ADAMTS18: variants seen among roughly 807,000 people sequenced by gnomAD.
The protein encoded by ADAMTS18 is ADAM metallopeptidase with thrombospondin type 1 motif 18.
ADAMTS18 carries 157 observed loss-of-function variants against 165.9 expected under a neutral mutation model. That is an observed-to-expected ratio of 0.95 (90% CI 0.83 to 1.08). ADAMTS18 has a LOEUF of 1.08. ADAMTS18 is among the 50% of genes least tolerant of loss of function. The probability of loss-of-function intolerance (pLI) is 0.00; values close to 1 mark genes in which losing one functional copy is unlikely to be tolerated. For synonymous variants in ADAMTS18, 782 were observed against 578.2 expected (o/e 1.35, Z -5.06); for missense variants, 2,040 against 1,534.0 (o/e 1.33, Z -5.51).
At chr16:77,313,293 G>A (rs1404382586) in intron 16 of ADAMTS18, among the ~76,000 whole-genome samples, 4 of 151,878 alleles carry the variant, frequency 2.6e-5, no homozygotes, top group African/African-American at 7.3e-5. Context: ...GGGGCCTGTC[G>A]TCGGGTGGGG....
At chr16:77,348,385 G>A (rs1224258366) in intron 10 of ADAMTS18, among the ~76,000 whole-genome samples, 1 of 152,164 alleles carries the variant, frequency 6.6e-6, no homozygotes, top group Admixed American at 6.5e-5. Flanking sequence ...CTTCACACTT[G>A]CAGGTAGAGG....
chr16:77,411,094 A>G (rs1338408100), intron 3 of ADAMTS18, among the ~76,000 whole-genome samples: 4 of 152,234 alleles, frequency 2.6e-5, no homozygotes, highest in Non-Finnish European at 5.9e-5. Context: ...GGAACAGAGT[A>G]GTATGGCAGC....
Position 77,434,628 on chromosome 16 carries a change from G to C in ADAMTS18, c.68C>G (p.Ala23Gly). 6.7e-7 allele frequency: 1 copy of C among 1,491,710 alleles called. No individual in the cohort carries two copies. The highest frequency in any genetic ancestry group is 8.9e-7 in the Non-Finnish European group (1 of 1,128,126). The allele number at this position is 1,491,710 out of a possible 1,614,324, so 92.4% of individuals were successfully genotyped here. ...TGCCTTGGCCACGCGCCCCAGTCCC[G>C]CCAGGCCCCTCGGCGGGCCCGAACC... ...AAGSGPPRGL[A>G]GLGRVAKALQ... is the part of the protein sequence containing the mutation. Residue 23 changes from alanine to glycine, a missense_variant, in exon 1 of 23, where the codon GCG becomes GGG. Physicochemically the swap from Ala to Gly is moderately conservative, Grantham distance 60 (BLOSUM62 0). Coordinates refer to ENST00000282849, the MANE Select transcript of ADAMTS18 (RefSeq NM_199355.4).
At chr16:77,290,751 T>G in intron 21 of ADAMTS18, 1 of 169,978 alleles carries the variant, frequency 5.9e-6, no homozygotes, top group Non-Finnish European at 1.3e-5. Flanking sequence ...TCTGATAAGT[T>G]TAAAAGCGAA....
intron 3 of ADAMTS18, among the ~76,000 whole-genome samples, chr16:77,420,918 G>A (rs559948424): frequency 6.6e-6 from 1 of 152,298 alleles, no homozygotes; most frequent in African/African-American, 2.4e-5. Flanking sequence ...TAAAATCACA[G>A]GGTGAACCCA....
intron 15 of ADAMTS18, 150 bp downstream of exon 15, chr16:77,320,929 C>A: frequency 5.2e-6 from 5 of 958,780 alleles, no homozygotes; most frequent in Non-Finnish European, 8.4e-6. Context: ...TCACAACTAT[C>A]TCCCTTACTC....
At chr16:77,392,444 G>T (rs113070653) in intron 3 of ADAMTS18, among the ~76,000 whole-genome samples, 1 of 151,900 alleles carries the variant, frequency 6.6e-6, no homozygotes, top group African/African-American at 2.4e-5. Flanking sequence ...CTCCCCATTG[G>T]GTTCACACCC....
intron 3 of ADAMTS18, among the ~76,000 whole-genome samples, chr16:77,372,212 T>C (rs1377907898): frequency 4.6e-5 from 7 of 152,188 alleles, no homozygotes; most frequent in Admixed American, 3.9e-4. Flanking sequence ...GTATGAAGGA[T>C]CCTTTAAAAA....
chr16:77,328,324 A>C (rs1174548965), intron 12 of ADAMTS18, among the ~76,000 whole-genome samples: 1 of 152,134 alleles, frequency 6.6e-6, no homozygotes, highest in Non-Finnish European at 1.5e-5. Context: ...ACTATGGATC[A>C]TCTTGTATAA....
At chr16:77,368,731 A>T (rs1003065653) in intron 3 of ADAMTS18, among the ~76,000 whole-genome samples, 1 of 152,126 alleles carries the variant, frequency 6.6e-6, no homozygotes, top group South Asian at 2.1e-4. Flanking sequence ...CACAGTTGCT[A>T]AATCAATGTT....
At chr16:77,370,526 G>C (rs1422831515) in intron 3 of ADAMTS18, among the ~76,000 whole-genome samples, 2 of 152,088 alleles carry the variant, frequency 1.3e-5, no homozygotes, top group Non-Finnish European at 2.9e-5. Flanking sequence ...GAGGTGGGTG[G>C]ATCACTTGAG....
intron 16 of ADAMTS18, among the ~76,000 whole-genome samples, chr16:77,302,636 G>A (rs2055606537): frequency 6.6e-6 from 1 of 152,078 alleles, no homozygotes; most frequent in African/African-American, 2.4e-5. Flanking sequence ...TTCTGCCATA[G>A]GGGAACAGAT....
intron 3 of ADAMTS18, among the ~76,000 whole-genome samples, chr16:77,393,899 T>A (rs2057223307): frequency 6.6e-6 from 1 of 152,194 alleles, no homozygotes; most frequent in East Asian, 1.9e-4. Flanking sequence ...AAGCCAAGCA[T>A]GAGGAACATA....
Position 77,320,044 on chromosome 16 carries a change from G to A in ADAMTS18, c.2337C>T (p.Ile779=). Residue 779 remains isoleucine, a synonymous_variant, in exon 16 of 23, where the codon ATC becomes ATT. Coordinates refer to ENST00000282849, the MANE Select transcript of ADAMTS18 (RefSeq NM_199355.4). Reference sequence around the variant, plus strand: ...AACTGGAGGAAACCTGCAGCTCCTGGATTTCGATGCTTCGGGCGCCAGCTG... The same window carrying A: ...AACTGGAGGAAACCTGCAGCTCCTGAATTTCGATGCTTCGGGCGCCAGCTG... ...LIPAGARSIE[I]QELQVSSSYL... 1 of 1,614,074 alleles carries A rather than the reference G, an allele frequency of 6.2e-7. No individual in the cohort carries two copies.
In ADAMTS18 at chr16:77,362,120, G is replaced by A. The variant is rs765866153; in HGVS notation, c.1201C>T (p.Pro401Ser). Residue 401 changes from proline (P) to serine (S), a missense_variant, in exon 7 of 23, where the codon CCA becomes TCA. Coordinates refer to ENST00000282849, the MANE Select transcript of ADAMTS18 (RefSeq NM_199355.4). Reference sequence around the variant, plus strand: ...CATACCATACCTAGAGTGTCACATGGTTCATTCTTCCAAGAACAAATATCA... The same window carrying A: ...CATACCATACCTAGAGTGTCACATGATTCATTCTTCCAAGAACAAATATCA... Reference protein sequence around the residue: ...GFDICSWKNEPCDTLGFAPIS... With the variant: ...GFDICSWKNESCDTLGFAPIS... 1 of 1,614,022 alleles carries A rather than the reference G, an allele frequency of 6.2e-7. No homozygotes were observed. The highest frequency in any genetic ancestry group is 8.5e-7 in the Non-Finnish European group (1 of 1,179,990).
chr16:77,337,483 T>A (rs2056327851), intron 11 of ADAMTS18, among the ~76,000 whole-genome samples: 1 of 152,206 alleles, frequency 6.6e-6, no homozygotes, highest in Non-Finnish European at 1.5e-5. Context: ...ACTAGCTAAC[T>A]TGCTCAGAGT....
intron 11 of ADAMTS18, among the ~76,000 whole-genome samples, chr16:77,337,369 C>T (rs1222355534): frequency 6.6e-6 from 1 of 152,142 alleles, no homozygotes; most frequent in Non-Finnish European, 1.5e-5. Context: ...CTTCTATGTG[C>T]CAAAAATGAT....
chr16:77,339,409 C>T (rs950080658), intron 11 of ADAMTS18, among the ~76,000 whole-genome samples: 2 of 152,060 alleles, frequency 1.3e-5, no homozygotes, highest in Middle Eastern at 3.4e-3. Context: ...CCACTTCTGA[C>T]TTTATTTATC....
intron 16 of ADAMTS18, among the ~76,000 whole-genome samples, chr16:77,304,397 G>A (rs139207446): frequency 1.2e-4 from 18 of 152,032 alleles, no homozygotes; most frequent in Middle Eastern, 3.4e-3. Flanking sequence ...GGAGTTGGAA[G>A]CTGCAGTGAG....
Sources: allele counts gnomAD v4.1 joint callset (sites outside exome capture counted in the v4.1 genomes callset), GRCh38; gene constraint gnomAD v4.1.1; transcripts MANE v1.5; gene names NCBI Gene and HGNC (gene_info 2026-07-23, HGNC 2026-07-21).